DNAH14: variants seen among roughly 807,000 people sequenced by gnomAD.
DNAH14 encodes axonemal beta dynein heavy chain 14.
DNAH14 carries 478 observed loss-of-function variants against 520.9 expected under a neutral mutation model. That is an observed-to-expected ratio of 0.92 (90% CI 0.85 to 0.99). The LOEUF (loss-of-function observed/expected upper bound fraction) is 0.99, where lower values mean the gene tolerates loss of function less well. Among genes scored for constraint, DNAH14 ranks in the 50% least tolerant of loss-of-function variants. DNAH14 has a pLI of 0.00. For synonymous variants in DNAH14, 1,581 were observed against 1,757.2 expected, an observed-to-expected ratio of 0.90 and a Z score of 2.51; for missense variants, 4,831 against 5,234.5, an observed-to-expected ratio of 0.92 and a Z score of 2.38.
At chr1:225,343,208 A>G (rs2095227966) in intron 69 of DNAH14, among the ~76,000 whole-genome samples, 1 of 152,228 alleles carries the variant, frequency 6.6e-6, no homozygotes, top group Non-Finnish European at 1.5e-5. Flanking sequence ...AATAACTGTG[A>G]TGGGGAGTTC....
At chr1:225,261,469 G>T (rs901981031) in intron 46 of DNAH14, among the ~76,000 whole-genome samples, 1 of 152,138 alleles carries the variant, frequency 6.6e-6, no homozygotes, top group Admixed American at 6.5e-5. Flanking sequence ...AATCATACAT[G>T]AAATTATCTT....
intron 64 of DNAH14, among the ~76,000 whole-genome samples, chr1:225,329,396 G>C (rs1249434145): frequency 6.6e-6 from 1 of 152,294 alleles, no homozygotes; most frequent in East Asian, 1.9e-4. Flanking sequence ...TAATAAAGGA[G>C]ATGAAGTTGG....
chr1:224,954,239 G>A (rs1016673396), intron 2 of DNAH14, among the ~76,000 whole-genome samples: 3 of 152,052 alleles, frequency 2.0e-5, no homozygotes, highest in Non-Finnish European at 4.4e-5. Flanking sequence ...CCTAATAAAT[G>A]ATCTATAAAT....
intron 8 of DNAH14, among the ~76,000 whole-genome samples, chr1:224,998,422 T>C (rs752286426): frequency 3.9e-5 from 6 of 152,200 alleles, no homozygotes; most frequent in Non-Finnish European, 7.3e-5. Flanking sequence ...TATAAATTTC[T>C]GTCAGCACTG....
At chr1:225,101,881 G>A (rs1346251196) in intron 23 of DNAH14, among the ~76,000 whole-genome samples, 2 of 149,896 alleles carry the variant, frequency 1.3e-5, no homozygotes, top group Non-Finnish European at 2.9e-5. Flanking sequence ...ACCTAACAGT[G>A]GAATTGCTGA....
chr1:225,111,501 T>A (rs552751217), intron 23 of DNAH14, among the ~76,000 whole-genome samples: 1 of 152,188 alleles, frequency 6.6e-6, no homozygotes, highest in African/African-American at 2.4e-5. Context: ...TCCACCCTTT[T>A]AGTTTCAGTC....
intron 12 of DNAH14, among the ~76,000 whole-genome samples, chr1:225,039,961 G>C (rs1175146500): frequency 6.9e-6 from 1 of 145,656 alleles, no homozygotes; most frequent in Non-Finnish European, 1.5e-5. Context: ...TTCTTGAGGT[G>C]GAGTGTTGCT....
chr1:225,220,413 G>A (rs1425458671), intron 41 of DNAH14, among the ~76,000 whole-genome samples: 1 of 152,150 alleles, frequency 6.6e-6, no homozygotes, highest in Non-Finnish European at 1.5e-5. Flanking sequence ...AAAACCCATT[G>A]TCTCAGCCCT....
chr1:225,328,445 A>C (rs1316071898), intron 64 of DNAH14, among the ~76,000 whole-genome samples: 1 of 152,170 alleles, frequency 6.6e-6, no homozygotes, highest in African/African-American at 2.4e-5. Context: ...ATTAAAATCC[A>C]ATTAATATAC....
intron 38 of DNAH14, among the ~76,000 whole-genome samples, chr1:225,202,245 T>G (rs1460877738): frequency 1.3e-5 from 2 of 152,094 alleles, no homozygotes; most frequent in Non-Finnish European, 2.9e-5. Context: ...GGGCAGGCCC[T>G]AGAACTCCCA....
Position 225,103,383 on chromosome 1 carries a change from G to A in DNAH14, c.3867+2499G>A, listed in dbSNP as rs538335313. Among the ~76,000 whole-genome samples, 3 of 152,200 alleles carry A rather than the reference G, an allele frequency of 2.0e-5. No individual in the cohort carries two copies. In the South Asian group the frequency reaches 6.2e-4, roughly 32 times the overall value. Reference sequence around the variant, plus strand: ...GACTTGACAATGCGGGCTCTTTTTTGGTTCCATATGAACTTTAAAGTAGTT... The same window carrying A: ...GACTTGACAATGCGGGCTCTTTTTTAGTTCCATATGAACTTTAAAGTAGTT... On this transcript the variant is annotated intron_variant, in intron 23 of 85. Coordinates refer to ENST00000682510, the MANE Select transcript of DNAH14 (RefSeq NM_001367479.1).
At chr1:224,943,500 T>G (rs1468581315) in intron 1 of DNAH14, among the ~76,000 whole-genome samples, 1 of 152,220 alleles carries the variant, frequency 6.6e-6, no homozygotes, top group Non-Finnish European at 1.5e-5. Context: ...TTCCTTCAGT[T>G]CTGCTCTGAT....
intron 27 of DNAH14, among the ~76,000 whole-genome samples, chr1:225,138,833 G>A (rs974910790): frequency 5.9e-5 from 9 of 151,990 alleles, no homozygotes; most frequent in Non-Finnish European, 1.0e-4. Context: ...TTGAATCCGA[G>A]CTGCTTGCCT....
chr1:225,015,163 T>C (rs1263958266), intron 10 of DNAH14, among the ~76,000 whole-genome samples: 1 of 152,180 alleles, frequency 6.6e-6, no homozygotes, highest in Non-Finnish European at 1.5e-5. Flanking sequence ...TTTTATCTCT[T>C]CACTTTCAGT....
At chr1:225,388,524 C>A in intron 82 of DNAH14, 33 bp downstream of exon 82, 2 of 1,318,378 alleles carry the variant, frequency 1.5e-6, no homozygotes, top group Non-Finnish European at 2.1e-6. Context: ...ATTTCTTCCT[C>A]ATTTTTGCTT....
chr1:225,040,185 C>T (rs1352853819), intron 12 of DNAH14, among the ~76,000 whole-genome samples: 5 of 151,898 alleles, frequency 3.3e-5, no homozygotes, highest in Admixed American at 6.6e-5. Context: ...GTGATCTGCC[C>T]GCCTCGGCCT....
At chr1:225,061,640 C>T (rs945050772) in intron 17 of DNAH14, among the ~76,000 whole-genome samples, 13 of 152,144 alleles carry the variant, frequency 8.5e-5, no homozygotes, top group Admixed American at 5.2e-4. Context: ...TGTTCCTATA[C>T]GGCCATCTTG....
chr1:225,237,823 G>A (rs6670643), intron 42 of DNAH14, among the ~76,000 whole-genome samples: 7,493 of 151,486 alleles, frequency 0.049, 288 homozygotes, highest in Non-Finnish European at 0.073. Flanking sequence ...ATTCTTTTTC[G>A]CCTGTCTTAT....
chr1:225,335,300 T>G, intron 66 of DNAH14, among the ~76,000 whole-genome samples: 1 of 112,794 alleles, frequency 8.9e-6, no homozygotes, highest in East Asian at 2.8e-4. Context: ...CATATACACA[T>G]GTGTACACGT....
Sources: gnomAD v4.1 joint callset for allele counts (sites outside exome capture counted in the v4.1 genomes callset) on GRCh38, gnomAD v4.1.1 for gene constraint, MANE v1.5 for transcripts, NCBI Gene and HGNC (gene_info 2026-07-23, HGNC 2026-07-21) for gene names.